PARP4: variants seen among roughly 807,000 people sequenced by gnomAD.
PARP4 encodes poly(ADP-ribose) polymerase family member 4, also known as protein mono-ADP-ribosyltransferase PARP4.
In PARP4, 120 loss-of-function variants were observed where a neutral mutation model predicts 187.7. The observed-to-expected ratio is 0.64, with a 90% CI of 0.55 to 0.74. The LOEUF (loss-of-function observed/expected upper bound fraction) is 0.74. Ranked by LOEUF, PARP4 falls within the 30% of genes least tolerant of loss-of-function variation. PARP4 has a pLI of 0.00. For missense variants in PARP4, 1,836 were observed against 2,070.5 expected (o/e 0.89, Z 2.20); for synonymous variants, 654 against 740.9 (o/e 0.88, Z 1.90).
chr13:24,480,791 G>C (rs912234969), intron 12 of PARP4, among the ~76,000 whole-genome samples: 11 of 152,260 alleles, frequency 7.2e-5, no homozygotes, highest in Non-Finnish European at 1.2e-4. Context: ...TTTAAGGAAA[G>C]AAGCCATCTC....
chr13:24,468,746 A>G (rs1161536523), intron 17 of PARP4, among the ~76,000 whole-genome samples: 1 of 152,136 alleles, frequency 6.6e-6, no homozygotes. Flanking sequence ...TATATACCTC[A>G]AATGTTATCT....
At chr13:24,505,826 C>T (rs958822817) in intron 1 of PARP4, among the ~76,000 whole-genome samples, 1 of 152,250 alleles carries the variant, frequency 6.6e-6, no homozygotes, top group African/African-American at 2.4e-5. Context: ...ACAGCAGTTT[C>T]CAAGTCCTGT....
intron 1 of PARP4, among the ~76,000 whole-genome samples, chr13:24,506,816 C>G (rs947188166): frequency 6.6e-6 from 1 of 152,222 alleles, no homozygotes; most frequent in Admixed American, 6.5e-5. Flanking sequence ...ATGCCTTGCA[C>G]CCGCACTCCT....
chr13:24,475,725 G>T, intron 14 of PARP4, 129 bp from the exon 15 acceptor site: 2 of 920,182 alleles, frequency 2.2e-6, no homozygotes, highest in Non-Finnish European at 3.3e-6. Flanking sequence ...AGCATTTTAT[G>T]ATTTTCAATA....
At chr13:24,449,620 CT>C in intron 25 of PARP4, 97 bp downstream of exon 25, 1 of 708,960 alleles carries the variant, frequency 1.4e-6, no homozygotes, top group Non-Finnish European at 2.4e-6. Flanking sequence ...TACGGCTCCC[CT>C]CTCATTCAAG....
intron 11 of PARP4, among the ~76,000 whole-genome samples, chr13:24,485,224 T>C (rs1458112797): frequency 6.6e-6 from 1 of 152,240 alleles, no homozygotes; most frequent in Non-Finnish European, 1.5e-5. Flanking sequence ...TAAGATCTAC[T>C]TGTATCATAT....
At chr13:24,443,056 C>A (rs1196641221) in intron 28 of PARP4, among the ~76,000 whole-genome samples, 1 of 151,602 alleles carries the variant, frequency 6.6e-6, no homozygotes, top group African/African-American at 2.4e-5. Context: ...AATAGGGAGA[C>A]CACCAGGTGA....
At chr13:24,474,470 C>T (rs1315388944) in intron 15 of PARP4, among the ~76,000 whole-genome samples, 12 of 149,648 alleles carry the variant, frequency 8.0e-5, no homozygotes, top group African/African-American at 2.9e-4. Flanking sequence ...CCGGAGCAGC[C>T]CACATCCCAG....
At chr13:24,493,795 A>C in intron 7 of PARP4, 62 bp from the exon 8 acceptor site, 1 of 1,511,402 alleles carries the variant, frequency 6.6e-7, no homozygotes, top group Non-Finnish European at 9.1e-7. Context: ...TGTAAAACTT[A>C]CATGGGCCAA....
In PARP4 at chr13:24,503,578, A is replaced by AACCATG; in HGVS notation, c.132+61_132+66dup. On this transcript the variant is annotated intron_variant, in intron 2 of 33. Coordinates refer to ENST00000381989, the MANE Select transcript of PARP4 (RefSeq NM_006437.4). ...GCTGCTAATCTCTGCTTCCTCTTCT[A>AACCATG]ACCATGACCCTGTTCCCTGAATGCG... The AACCATG allele has an allele frequency of 1.9e-6, 3 of 1,561,570 alleles. No homozygotes were observed. The South Asian group carries it at 3.4e-5, about 17-fold the overall frequency.
chr13:24,467,058 A>T (rs1432616310), intron 17 of PARP4, among the ~76,000 whole-genome samples: 1 of 152,202 alleles, frequency 6.6e-6, no homozygotes, highest in Non-Finnish European at 1.5e-5. Flanking sequence ...ACGCTATCTA[A>T]GTAGTATAGG....
intron 14 of PARP4, among the ~76,000 whole-genome samples, chr13:24,475,973 G>C (rs1296709148): frequency 6.6e-6 from 1 of 152,090 alleles, no homozygotes; most frequent in Non-Finnish European, 1.5e-5. Flanking sequence ...TTTTTGTAGA[G>C]ATGAGGTTTA....
chr13:24,482,056 T>C (rs1461625696), intron 12 of PARP4, among the ~76,000 whole-genome samples: 1 of 152,230 alleles, frequency 6.6e-6, no homozygotes, highest in Non-Finnish European at 1.5e-5. Context: ...AGAAGTTTAC[T>C]CTAACTATCT....
chr13:24,423,983 A>G (rs1223985825), intron 33 of PARP4, among the ~76,000 whole-genome samples: 1 of 152,012 alleles, frequency 6.6e-6, no homozygotes, highest in Non-Finnish European at 1.5e-5. Flanking sequence ...AATTACAAAA[A>G]GTTTTTTGTA....
At chr13:24,508,466 G>A (rs1372359608) in intron 1 of PARP4, among the ~76,000 whole-genome samples, 1 of 152,194 alleles carries the variant, frequency 6.6e-6, no homozygotes, top group Non-Finnish European at 1.5e-5. Flanking sequence ...CTAGGGCTAT[G>A]TTAGCATCTT....
At chr13:24,502,343 T>G (rs1436050952) in intron 2 of PARP4, among the ~76,000 whole-genome samples, 3 of 152,242 alleles carry the variant, frequency 2.0e-5, no homozygotes, top group Non-Finnish European at 4.4e-5. Context: ...ATAATTTTAT[T>G]TATTTTTTAA....
chr13:24,486,601 A>G (rs1243945950), intron 10 of PARP4, among the ~76,000 whole-genome samples: 1 of 152,242 alleles, frequency 6.6e-6, no homozygotes, highest in Non-Finnish European at 1.5e-5. Context: ...TATGGAATAT[A>G]TAATTCTTGC....
chr13:24,458,748 C>A (rs570331918), intron 20 of PARP4, among the ~76,000 whole-genome samples: 2 of 152,148 alleles, frequency 1.3e-5, no homozygotes, highest in African/African-American at 4.8e-5. Context: ...AAGAGCTACA[C>A]GTCCAACTTC....
At chr13:24,447,741 T>C (rs1871283196) in intron 25 of PARP4, among the ~76,000 whole-genome samples, 1 of 152,262 alleles carries the variant, frequency 6.6e-6, no homozygotes, top group South Asian at 2.1e-4. Context: ...ATTACTAATA[T>C]GCAGCCTTGG....
Sources: gnomAD v4.1 joint callset for allele counts (sites outside exome capture counted in the v4.1 genomes callset) on GRCh38, gnomAD v4.1.1 for gene constraint, MANE v1.5 for transcripts, NCBI Gene and HGNC (gene_info 2026-07-23, HGNC 2026-07-21) for gene names.